MYH9: variants seen among roughly 807,000 people sequenced by gnomAD.
The protein encoded by MYH9 is myosin heavy chain 9.
In MYH9, 29 loss-of-function variants were observed where a neutral mutation model predicts 241.9. That is an observed-to-expected ratio of 0.12 (90% confidence interval 0.09 to 0.16). The LOEUF is 0.16. Ranked by LOEUF, MYH9 falls within the 10% of genes least tolerant of loss-of-function variation. MYH9 has a pLI of 1.00. For synonymous variants in MYH9, 1,047 were observed against 1,062.6 expected (o/e 0.99, Z 0.29); for missense variants, 1,803 against 2,595.5 (o/e 0.69, Z 6.63).
chr22:36,302,909 C>G (rs964989487), intron 19 of MYH9, among the ~76,000 whole-genome samples: 2 of 152,328 alleles, frequency 1.3e-5, no homozygotes, highest in South Asian at 2.1e-4. Flanking sequence ...GGTCACCAGA[C>G]TACCCCTCCA....
rs1269515561 is a variant in MYH9, at chr22:36,281,538, C to T, written c.*1130G>A. The T allele has an allele frequency of 4.4e-6, 1 of 228,164 alleles. No homozygotes were observed. The highest frequency in any genetic ancestry group is 6.3e-5 in the East Asian group (1 of 15,910). The allele number at this position is 228,164 out of a possible 1,614,324, so 14.1% of individuals were successfully genotyped here. On this transcript the variant is annotated 3_prime_UTR_variant, in exon 41 of 41. Coordinates refer to ENST00000216181, the MANE Select transcript of MYH9 (RefSeq NM_002473.6). ...AAAAAAATGCCTTCTTGCCGTAAGT[C>T]TCAATGCAGCATATACAAAACAGTT...
chr22:36,323,951 G>A (rs1000589425), intron 5 of MYH9, among the ~76,000 whole-genome samples: 3 of 152,246 alleles, frequency 2.0e-5, no homozygotes, highest in African/African-American at 7.2e-5. Context: ...GGCCTCGGGC[G>A]GGCCTGGGAA....
intron 34 of MYH9, 188 bp from the exon 35 acceptor site, chr22:36,287,034 C>A: frequency 1.4e-6 from 1 of 728,702 alleles, no homozygotes; most frequent in Non-Finnish European, 2.3e-6. Context: ...CCCCGTAATG[C>A]ACACTTTGAC....
chr22:36,339,846 T>C (rs2017555507), intron 3 of MYH9, among the ~76,000 whole-genome samples: 1 of 151,954 alleles, frequency 6.6e-6, no homozygotes, highest in Non-Finnish European at 1.5e-5. Context: ...TCTGAGAATA[T>C]AAAGGCAACA....
intron 10 of MYH9, among the ~76,000 whole-genome samples, chr22:36,318,534 C>T (rs1173973085): frequency 6.6e-6 from 1 of 152,198 alleles, no homozygotes; most frequent in African/African-American, 2.4e-5. Flanking sequence ...ACCCCCCAGA[C>T]TCAGCAGCCA....
chr22:36,368,521 G>A (rs146433861), intron 1 of MYH9, among the ~76,000 whole-genome samples: 143 of 152,316 alleles, frequency 9.4e-4, no homozygotes, highest in African/African-American at 3.2e-3. Flanking sequence ...CAGTTGCTCC[G>A]TGATCAGGAA....
At chr22:36,355,909 T>C (rs2017848447) in intron 1 of MYH9, among the ~76,000 whole-genome samples, 1 of 152,182 alleles carries the variant, frequency 6.6e-6, no homozygotes, top group African/African-American at 2.4e-5. Flanking sequence ...CATCTCCCCA[T>C]GCTGGCTTGC....
At chr22:36,325,849 C>A (rs568930821) in intron 5 of MYH9, among the ~76,000 whole-genome samples, 1 of 152,220 alleles carries the variant, frequency 6.6e-6, no homozygotes, top group Non-Finnish European at 1.5e-5. Flanking sequence ...GTGTGCCACA[C>A]CCAGCCCCTC....
chr22:36,361,854 G>A lies in MYH9; in HGVS notation c.-19-12599C>T, dbSNP rs549109359. 3.3e-5 allele frequency among the ~76,000 whole-genome samples: 5 copies of A among 152,304 alleles called. No homozygotes were observed. In the South Asian group the frequency reaches 8.3e-4, roughly 25 times the overall value. ...TGGGAGGACAAGGCAGGTAGATCAC[G>A]AGGTCAGGAGTTCAAGACCAGCCTG... On this transcript the variant is annotated intron_variant, in intron 1 of 40. Transcript: ENST00000216181.
intron 1 of MYH9, among the ~76,000 whole-genome samples, chr22:36,386,659 C>T (rs2018355732): frequency 1.3e-5 from 2 of 152,158 alleles, no homozygotes; most frequent in African/African-American, 2.4e-5. Flanking sequence ...TGGGACTTCC[C>T]AAGGAGTCTT....
Position 36,293,875 on chromosome 22 carries a change from G to A in MYH9, c.3838-12C>T, listed in dbSNP as rs113698937. ...TTGTCCAGCTCCACCTGCACCGGGC[G>A]GGGAGACACAAAGGACCATGGACCC... On this transcript the variant is annotated splice_polypyrimidine_tract_variant and intron_variant, in intron 28 of 40. Transcript: ENST00000216181. This position sits in a 1 kb window ranked among gnomAD's most constrained non-coding sequence, Gnocchi z 5.1. 3.1e-3 allele frequency: 4,942 copies of A among 1,609,590 alleles called. 99 individuals are homozygous for A. In the African/African-American group the frequency reaches 0.047, roughly 15 times the overall value.
At chr22:36,347,570 A>G (rs1344697262) in intron 2 of MYH9, among the ~76,000 whole-genome samples, 2 of 151,860 alleles carry the variant, frequency 1.3e-5, no homozygotes, top group Non-Finnish European at 2.9e-5. Context: ...CCTGTCTCTA[A>G]TAAAAATATT....
rs533607153 is a variant in MYH9, at chr22:36,375,734, C to T, written c.-20+12073G>A. Among the ~76,000 whole-genome samples the T allele has an allele frequency of 9.9e-5, 15 of 152,270 alleles. No homozygotes were observed. In the South Asian group the frequency reaches 2.9e-3, roughly 29 times the overall value. On this transcript the variant is annotated intron_variant, in intron 1 of 40. Transcript: ENST00000216181. ...AATCCATGTAAAAGCCCTAGCATGG[C>T]CAGGTGTAGGTGCAGTGGTGGCTCA...
intron 1 of MYH9, among the ~76,000 whole-genome samples, chr22:36,386,032 T>C (rs923156632): frequency 6.6e-6 from 1 of 152,284 alleles, no homozygotes; most frequent in South Asian, 2.1e-4. Context: ...GCTGCCTTTG[T>C]ATTTCACTGG....
chr22:36,305,924 G>A lies in MYH9; in HGVS notation c.2159+6C>T, dbSNP rs748916231. ...CAGGAGAAGCGGGCTCCGGGCCCTGGCTCACCTCTGCCGAAACTCCTGGAA... is the reference window on the plus strand; with the variant it reads ...CAGGAGAAGCGGGCTCCGGGCCCTGACTCACCTCTGCCGAAACTCCTGGAA... On this transcript the variant is annotated splice_donor_region_variant and intron_variant, in intron 17 of 40. Transcript: ENST00000216181. The surrounding 1 kb of genome is among the most constrained non-coding windows in gnomAD (Gnocchi z 4.7). 13 of 1,612,758 alleles carry A rather than the reference G, an allele frequency of 8.1e-6. No homozygotes were observed. In the African/African-American group the frequency reaches 1.2e-4, roughly 15 times the overall value.
intron 34 of MYH9, 84 bp from the exon 35 acceptor site, chr22:36,286,930 C>T (rs559175901): frequency 6.3e-7 from 1 of 1,584,696 alleles, no homozygotes; most frequent in African/African-American, 1.3e-5. Flanking sequence ...GCCAACAGGG[C>T]TCATGGCTGG....
chr22:36,350,866 A>C (rs1268458479), intron 1 of MYH9, among the ~76,000 whole-genome samples: 1 of 152,184 alleles, frequency 6.6e-6, no homozygotes, highest in Non-Finnish European at 1.5e-5. Context: ...GGCAGCCCAG[A>C]AGCTCACTGC....
rs369455534 is a variant in MYH9 at position 36,320,770 on chromosome 22, G to A, written c.868+28C>T. ...AAGAGGCCCAGAGCCCGGCAGCCCCGGTGTCAGGCTGCAGGCCAACTACTC... is the reference window on the plus strand; with the variant it reads ...AAGAGGCCCAGAGCCCGGCAGCCCCAGTGTCAGGCTGCAGGCCAACTACTC... On this transcript the variant is annotated intron_variant, in intron 8 of 40. Transcript: ENST00000216181. The surrounding 1 kb of genome is among the most constrained non-coding windows in gnomAD (Gnocchi z 4.8). 70 of 1,555,012 alleles carry A rather than the reference G, an allele frequency of 4.5e-5. No individual in the cohort carries two copies. The highest frequency in any genetic ancestry group is 1.7e-4 in the Middle Eastern group (1 of 5,816).
At chr22:36,354,974 C>CACACACACAT (rs1569536783) in intron 1 of MYH9, among the ~76,000 whole-genome samples, 6 of 150,724 alleles carry the variant, frequency 4.0e-5, no homozygotes, top group African/African-American at 1.5e-4. Flanking sequence ...CACACACACA[C>CACACACACAT]ACACACACAC....
Sources: allele counts gnomAD v4.1 joint callset (sites outside exome capture counted in the v4.1 genomes callset), GRCh38; gene constraint gnomAD v4.1.1; non-coding constraint Gnocchi (gnomAD v3.1); transcripts MANE v1.5; gene names NCBI Gene and HGNC (gene_info 2026-07-23, HGNC 2026-07-21).